The following MAD1L1 variants were observed in gnomAD, a reference collection of about 807,000 sequenced individuals.
MAD1L1 encodes the protein mitotic spindle assembly checkpoint protein MAD1.
In MAD1L1, 95 loss-of-function variants were observed where a neutral mutation model predicts 96.9. The observed-to-expected ratio is 0.98, with a 90% confidence interval of 0.83 to 1.16. The LOEUF (loss-of-function observed/expected upper bound fraction) is 1.16, where lower values mean the gene tolerates loss of function less well. Ranked by LOEUF, MAD1L1 falls within the 50% of genes most tolerant of loss-of-function variation. The probability of loss-of-function intolerance (pLI) is 0.00; values close to 1 mark genes in which losing one functional copy is unlikely to be tolerated. For missense variants in MAD1L1, 1,007 were observed against 954.4 expected (o/e 1.06, Z -0.73); for synonymous variants, 473 against 396.6 (o/e 1.19, Z -2.29).
chr7:1,878,870 T>C (rs1159261081), intron 18 of MAD1L1, among the ~76,000 whole-genome samples: 1 of 152,084 alleles, frequency 6.6e-6, no homozygotes, highest in Admixed American at 6.5e-5. Flanking sequence ...CAATTGTCTA[T>C]GTTGAAAATC....
At chr7:2,128,618 G>A (rs960813411) in intron 11 of MAD1L1, among the ~76,000 whole-genome samples, 4 of 152,218 alleles carry the variant, frequency 2.6e-5, no homozygotes, top group East Asian at 1.9e-4. Context: ...AAGGATGAGC[G>A]GCAAAGCAGA....
At chr7:2,190,298 G>C (rs951506451) in intron 10 of MAD1L1, among the ~76,000 whole-genome samples, 1 of 152,152 alleles carries the variant, frequency 6.6e-6, no homozygotes, top group African/African-American at 2.4e-5. Context: ...AATTCAAATG[G>C]GAAACAGACA....
chr7:1,891,106 C>T (rs1022557648), intron 18 of MAD1L1, among the ~76,000 whole-genome samples: 4 of 152,188 alleles, frequency 2.6e-5, no homozygotes, highest in African/African-American at 9.6e-5. Flanking sequence ...ACAGAAGCGA[C>T]ACCCCGGGCC....
intron 18 of MAD1L1, among the ~76,000 whole-genome samples, chr7:1,892,273 G>A (rs530199414): frequency 3.3e-5 from 5 of 152,138 alleles, no homozygotes; most frequent in South Asian, 2.1e-4. Context: ...GCCCAGGCTC[G>A]TACAAGTCAT....
In MAD1L1 at chr7:2,155,285, G is replaced by A. The variant is rs569665279; in HGVS notation, c.987-6047C>T. Among the ~76,000 whole-genome samples, 83 of 152,204 alleles carry A rather than the reference G, an allele frequency of 5.5e-4. 1 individual carries two copies. Among genetic ancestry groups the A allele is most frequent in the African/African-American group, 1.4e-3 (59 of 41,546 alleles). On this transcript the variant is annotated intron_variant, in intron 10 of 18. Transcript: ENST00000265854. ...CTGGCCACGGTGGCATCCTGCCACC[G>A]TGTTGGGATGTTTTTAATTGTGGTA...
intron 13 of MAD1L1, among the ~76,000 whole-genome samples, chr7:2,004,253 G>A (rs1025764516): frequency 2.6e-5 from 4 of 152,108 alleles, no homozygotes; most frequent in East Asian, 1.9e-4. Context: ...AGAGCTGCCC[G>A]CACCCCTGGC....
At chr7:2,187,845 A>G (rs1005394618) in intron 10 of MAD1L1, among the ~76,000 whole-genome samples, 10 of 152,230 alleles carry the variant, frequency 6.6e-5, no homozygotes, top group Non-Finnish European at 1.3e-4. Flanking sequence ...AGCATCTGGT[A>G]GACATTTTCT....
intron 15 of MAD1L1, among the ~76,000 whole-genome samples, chr7:1,958,728 G>C (rs989179068): frequency 2.0e-5 from 3 of 152,154 alleles, no homozygotes; most frequent in Non-Finnish European, 4.4e-5. Flanking sequence ...ACCAAACAAC[G>C]AATACCTACC....
intron 11 of MAD1L1, among the ~76,000 whole-genome samples, chr7:2,140,750 C>T (rs761810590): frequency 5.9e-5 from 9 of 152,366 alleles, no homozygotes; most frequent in Non-Finnish European, 1.0e-4. Context: ...CCAGAAAGGG[C>T]GGCTCCATGG....
chr7:2,207,490 T>C (rs978407608), intron 10 of MAD1L1, among the ~76,000 whole-genome samples: 1 of 152,122 alleles, frequency 6.6e-6, no homozygotes, highest in African/African-American at 2.4e-5. Context: ...TAATCAATCA[T>C]GCCTCTGTGA....
intron 18 of MAD1L1, among the ~76,000 whole-genome samples, chr7:1,871,920 A>AG (rs1388110461): frequency 6.6e-6 from 1 of 152,120 alleles, no homozygotes. Flanking sequence ...ATGAGAAGAG[A>AG]GGGGGCAGAA....
intron 13 of MAD1L1, among the ~76,000 whole-genome samples, chr7:2,005,780 A>G (rs1396018004): frequency 6.6e-6 from 1 of 152,218 alleles, no homozygotes; most frequent in Non-Finnish European, 1.5e-5. Flanking sequence ...CAGCCTGGGC[A>G]ACAGAGTGAG....
chr7:1,847,897 C>T, intron 18 of MAD1L1: 1 of 360,430 alleles, frequency 2.8e-6, no homozygotes, highest in Non-Finnish European at 5.5e-6. Context: ...AATGCTCCCA[C>T]TCTCACCCAC....
intron 17 of MAD1L1, among the ~76,000 whole-genome samples, chr7:1,914,020 T>TCC (rs34116866): frequency 8.1e-4 from 122 of 151,220 alleles, no homozygotes; most frequent in African/African-American, 2.8e-3. Flanking sequence ...TGGGCAGGTC[T>TCC]CCCCCCCCAG....
chr7:2,060,303 ATCCCGAGATACG>A (rs1784595667), intron 12 of MAD1L1, among the ~76,000 whole-genome samples: 1 of 150,754 alleles, frequency 6.6e-6, no homozygotes. Context: ...AGATACGCCG[ATCCCGAGATACG>A]CCGATGCTGA....
intron 15 of MAD1L1, among the ~76,000 whole-genome samples, chr7:1,957,958 G>A (rs551409171): frequency 4.6e-5 from 7 of 152,334 alleles, no homozygotes; most frequent in African/African-American, 9.6e-5. Flanking sequence ...GAGCCTGTGC[G>A]GAGAAAGTCT....
intron 18 of MAD1L1, among the ~76,000 whole-genome samples, chr7:1,877,090 TTACA>T (rs1785424886): frequency 6.6e-6 from 1 of 151,286 alleles, no homozygotes; most frequent in East Asian, 1.9e-4. Flanking sequence ...TGTGTAAAAA[TTACA>T]TAAAAAGAAA....
At chr7:2,053,653 C>G (rs1055843440) in intron 12 of MAD1L1, among the ~76,000 whole-genome samples, 2 of 152,140 alleles carry the variant, frequency 1.3e-5, no homozygotes, top group Non-Finnish European at 2.9e-5. Context: ...CCTGGGGACA[C>G]GGGTTATGGG....
chr7:1,920,158 C>T (rs1306519335), intron 17 of MAD1L1, among the ~76,000 whole-genome samples: 4 of 152,174 alleles, frequency 2.6e-5, no homozygotes, highest in South Asian at 4.1e-4. Context: ...CCTGGGTCCC[C>T]GGCTTGCCCC....
Sources: allele counts gnomAD v4.1 joint callset (sites outside exome capture counted in the v4.1 genomes callset), GRCh38; gene constraint gnomAD v4.1.1; transcripts MANE v1.5; gene names NCBI Gene and HGNC (gene_info 2026-07-23, HGNC 2026-07-21).